Variants in VAV1 observed in about 807,000 individuals in gnomAD.
VAV1 encodes proto-oncogene vav.
In VAV1, 33 loss-of-function variants were observed where a neutral mutation model predicts 128.1. The ratio of observed to expected loss-of-function variants is 0.26; its 90% CI spans 0.20 to 0.34. VAV1 has a LOEUF of 0.34. VAV1 is among the 10% of genes least tolerant of loss of function. The pLI is 1.00. For missense variants in VAV1, 715 were observed against 1,093.7 expected, an observed-to-expected ratio of 0.65 and a Z score of 4.88; for synonymous variants, 394 against 409.8, an observed-to-expected ratio of 0.96 and a Z score of 0.47.
chr19:6,853,431 T>C (rs1243837606), intron 25 of VAV1, among the ~76,000 whole-genome samples: 6 of 151,480 alleles, frequency 4.0e-5, no homozygotes, highest in African/African-American at 9.7e-5. Flanking sequence ...TCCAAACCAG[T>C]CTTATTTTCT....
chr19:6,805,603 C>CACACACACAA (rs879919537), intron 1 of VAV1, among the ~76,000 whole-genome samples: 1 of 151,284 alleles, frequency 6.6e-6, no homozygotes, highest in East Asian at 1.9e-4. Flanking sequence ...CACACACACA[C>CACACACACAA]ACACACACAC....
At chr19:6,852,333 G>T (rs1390428138) in intron 24 of VAV1, among the ~76,000 whole-genome samples, 2 of 152,134 alleles carry the variant, frequency 1.3e-5, no homozygotes, top group African/African-American at 4.8e-5. Context: ...ATTGCTAATT[G>T]TAAATTAAGG....
chr19:6,856,741 A>G (rs1972814575), intron 26 of VAV1, among the ~76,000 whole-genome samples: 2 of 151,576 alleles, frequency 1.3e-5, no homozygotes, highest in Admixed American at 6.6e-5. Context: ...AAAAAAAAAA[A>G]AAAAAGAAAA....
Position 6,821,811 on chromosome 19 carries a change from A to C in VAV1, c.401A>C (p.Glu134Ala), listed in dbSNP as rs1245951846. 6.2e-7 allele frequency: 1 copy of C among 1,613,974 alleles called. No individual in the cohort carries two copies. The highest frequency in any genetic ancestry group is 8.5e-7 in the Non-Finnish European group (1 of 1,179,966). Residue 134 changes from glutamate (E) to alanine (A), a missense_variant, in exon 4 of 27, where the codon GAG becomes GCG. Coordinates refer to ENST00000602142, the MANE Select transcript of VAV1 (RefSeq NM_005428.4). ...CCCAGGCCCTTCCCCACCGAGGAGG[A>C]GAGTGTAGGTGATGAAGACATCTAC... Reference protein sequence around the residue: ...RGIMPFPTEEESVGDEDIYSG... With the variant: ...RGIMPFPTEEASVGDEDIYSG...
At chr19:6,808,183 G>T (rs973856128) in intron 1 of VAV1, among the ~76,000 whole-genome samples, 10 of 151,092 alleles carry the variant, frequency 6.6e-5, no homozygotes, top group African/African-American at 2.4e-4. Context: ...GTGGTGGCAG[G>T]TGCCTGTAAT....
chr19:6,854,203 G>C, intron 26 of VAV1, 105 bp downstream of exon 26: 1 of 1,435,570 alleles, frequency 7.0e-7, no homozygotes, highest in Non-Finnish European at 9.4e-7. Flanking sequence ...CTCCCATGGA[G>C]ATCTCTCACG....
In VAV1 at chr19:6,853,077, C is replaced by A. The variant is rs764458602; in HGVS notation, c.2330C>A (p.Ala777Glu). Residue 777 changes from alanine to glutamate, a missense_variant and splice_region_variant, in exon 25 of 27, where the codon GCA becomes GAA. Physicochemically the swap from Ala to Glu is moderately radical, Grantham distance 107. Coordinates refer to ENST00000602142, the MANE Select transcript of VAV1 (RefSeq NM_005428.4). Reference protein sequence around the residue: ...EPEKRTISRPAVGSTKYFGTA... With the variant: ...EPEKRTISRPEVGSTKYFGTA... ...GAAAAGAGAACCATCAGCAGGCCAG[C>A]AGGTAGGAGGTCTCAGACTGGGGGC... 5.2e-5 allele frequency: 83 copies of A among 1,610,332 alleles called. No homozygotes were observed. Among genetic ancestry groups the A allele is most frequent in the Middle Eastern group, 1.6e-4 (1 of 6,066 alleles).
At position 6,844,344 on chromosome 19, in the gene VAV1, G is replaced by T. The variant is rs377143389; in HGVS notation, c.2012+1178G>T. Among the ~76,000 whole-genome samples, 15 of 151,540 alleles carry T rather than the reference G, an allele frequency of 9.9e-5. No individual in the cohort carries two copies. In the East Asian group the frequency reaches 2.5e-3, roughly 25 times the overall value. ...AGCGATTCTCCTGCCTCAGCCTCCC[G>T]AGCTGGGATTACAGGCACCTGCCGC... On this transcript the variant is annotated intron_variant, in intron 22 of 26. Transcript: ENST00000602142.
rs181517119 is a variant in VAV1, at chr19:6,786,736, T to C, written c.204+13725T>C. Among the ~76,000 whole-genome samples, 158 of 152,238 alleles carry C rather than the reference T, an allele frequency of 1.0e-3. 1 individual carries two copies. Among genetic ancestry groups the C allele is most frequent in the Non-Finnish European group, 1.8e-3 (124 of 68,018 alleles). On this transcript the variant is annotated intron_variant, in intron 1 of 26. Transcript: ENST00000602142. ...AGATGGAGGTTGCAGTGAACCACGA[T>C]TGCACCACTGCACTCTAGCCTGAGC... is the stretch of plus-strand genomic sequence containing the variant.
At position 6,857,101 on chromosome 19, in the gene VAV1, C is replaced by G; in HGVS notation, c.2532C>G (p.Tyr844Ter). ...ANYVEEDYSE[Y>*]C ...ACGTGGAGGAAGATTATTCTGAATA[C>G]TGCTGAGCCCTGGTGCCTTGGCAGA... Residue 844 changes from tyrosine to a stop codon, truncating the protein, a stop_gained, in exon 27 of 27, where the codon TAC (tyrosine) becomes TAG (stop). Coordinates refer to ENST00000602142, the MANE Select transcript of VAV1 (RefSeq NM_005428.4). LOFTEE classifies it high-confidence loss of function. 1 of 1,614,150 alleles carries G rather than the reference C, an allele frequency of 6.2e-7. No homozygotes were observed. The highest frequency in any genetic ancestry group is 1.1e-5 in the South Asian group (1 of 91,084).
chr19:6,790,810 G>C (rs1971001905), intron 1 of VAV1, among the ~76,000 whole-genome samples: 2 of 152,184 alleles, frequency 1.3e-5, no homozygotes, highest in Non-Finnish European at 2.9e-5. Flanking sequence ...GAGATTTCTA[G>C]AAATAAAGTG....
chr19:6,851,025 T>C (rs1972662651), intron 24 of VAV1, among the ~76,000 whole-genome samples: 2 of 152,148 alleles, frequency 1.3e-5, no homozygotes, highest in African/African-American at 2.4e-5. Context: ...TATGTATATA[T>C]GTATGTGTGT....
At chr19:6,781,647 G>A (rs1338364032) in intron 1 of VAV1, among the ~76,000 whole-genome samples, 3 of 139,642 alleles carry the variant, frequency 2.1e-5, no homozygotes, top group Non-Finnish European at 4.6e-5. Context: ...TTTCTCTGTT[G>A]TACAGGCTGC....
chr19:6,815,649 A>G (rs1055290088), intron 1 of VAV1, among the ~76,000 whole-genome samples: 3 of 152,228 alleles, frequency 2.0e-5, no homozygotes, highest in African/African-American at 7.2e-5. Flanking sequence ...GAATTCACAC[A>G]CACAGCTATG....
intron 1 of VAV1, among the ~76,000 whole-genome samples, chr19:6,813,938 T>C (rs1419753885): frequency 1.3e-5 from 2 of 152,058 alleles, no homozygotes; most frequent in Non-Finnish European, 2.9e-5. Context: ...CATATGCTTG[T>C]AGTCCCAGCT....
chr19:6,780,694 C>G (rs200685316), intron 1 of VAV1, among the ~76,000 whole-genome samples: 1 of 149,170 alleles, frequency 6.7e-6, no homozygotes, highest in African/African-American at 2.4e-5. Flanking sequence ...GCCTCAGCCT[C>G]CCGAGTAGCT....
intron 18 of VAV1, 50 bp downstream of exon 18, chr19:6,833,783 G>C (rs1166145049): frequency 6.2e-7 from 1 of 1,613,770 alleles, no homozygotes; most frequent in Non-Finnish European, 8.5e-7. Flanking sequence ...ATGGGCAACA[G>C]CGCGGGGAGG....
chr19:6,811,460 C>T (rs532540556), intron 1 of VAV1, among the ~76,000 whole-genome samples: 3 of 152,190 alleles, frequency 2.0e-5, no homozygotes, highest in East Asian at 1.9e-4. Flanking sequence ...CAGGCGTCTT[C>T]GTTGTCAGGC....
chr19:6,789,715 G>A (rs143779706), intron 1 of VAV1, among the ~76,000 whole-genome samples: 4,258 of 152,070 alleles, frequency 0.028, 192 homozygotes, highest in African/African-American at 0.097. Flanking sequence ...CTCCTGCCTT[G>A]GCCTCCAGAG....
Sources: allele counts gnomAD v4.1 joint callset (sites outside exome capture counted in the v4.1 genomes callset), GRCh38; gene constraint gnomAD v4.1.1; transcripts MANE v1.5; gene names NCBI Gene and HGNC (gene_info 2026-07-23, HGNC 2026-07-21).